Variants in FMNL2 observed in about 807,000 individuals in gnomAD.
FMNL2 encodes the protein formin like 2.
In FMNL2, 51 loss-of-function variants were observed where a neutral mutation model predicts 130.2. That is an observed-to-expected ratio of 0.39 (90% confidence interval 0.31 to 0.49). The LOEUF (loss-of-function observed/expected upper bound fraction) is 0.49. Ranked by LOEUF, FMNL2 falls within the 20% of genes least tolerant of loss-of-function variation. The pLI is 0.85. For missense variants in FMNL2, 977 were observed against 1,316.2 expected, an observed-to-expected ratio of 0.74 and a Z score of 3.99; for synonymous variants, 465 against 467.1, an observed-to-expected ratio of 1.00 and a Z score of 0.06.
At chr2:152,478,244 A>T (rs866107190) in intron 1 of FMNL2, among the ~76,000 whole-genome samples, 260 of 38,454 alleles carry the variant, frequency 6.8e-3, no homozygotes, top group African/African-American at 0.014. Flanking sequence ...ATATATATAT[A>T]TATATATTTT....
chr2:152,394,248 G>A lies in FMNL2; in HGVS notation c.117+58528G>A, dbSNP rs988570221. The stretch of plus-strand genomic sequence containing the variant: ...AAATACACGACTTAATTTTAGCTTC[G>A]GAGACAATGTTTTTTAAAGAATTCG... On this transcript the variant is annotated intron_variant, in intron 1 of 25. Coordinates refer to ENST00000288670, the MANE Select transcript of FMNL2 (RefSeq NM_052905.4). Among the ~76,000 whole-genome samples the A allele has an allele frequency of 1.1e-4, 17 of 151,962 alleles. No individual in the cohort carries two copies. In the South Asian group the frequency reaches 2.5e-3, roughly 22 times the overall value.
chr2:152,478,290 G>A (rs141505182), intron 1 of FMNL2, among the ~76,000 whole-genome samples: 110 of 132,254 alleles, frequency 8.3e-4, no homozygotes, highest in African/African-American at 2.9e-3. Flanking sequence ...TTACTGTGTC[G>A]CCCAGGCTGG....
intron 1 of FMNL2, among the ~76,000 whole-genome samples, chr2:152,462,924 G>GCAC: frequency 6.6e-6 from 1 of 152,236 alleles, no homozygotes; most frequent in East Asian, 1.9e-4. Flanking sequence ...GATTTATAAA[G>GCAC]AATGTTTCTT....
At chr2:152,477,642 C>G (rs1579760565) in intron 1 of FMNL2, among the ~76,000 whole-genome samples, 1 of 152,076 alleles carries the variant, frequency 6.6e-6, no homozygotes, top group African/African-American at 2.4e-5. Flanking sequence ...TTCTCAGGTC[C>G]TAGCCAATAC....
At chr2:152,497,217 T>A (rs1428884220) in intron 1 of FMNL2, among the ~76,000 whole-genome samples, 2 of 152,224 alleles carry the variant, frequency 1.3e-5, no homozygotes, top group Non-Finnish European at 2.9e-5. Flanking sequence ...ATGTGTTTAC[T>A]TATTTGTGCA....
At chr2:152,578,135 A>G in intron 7 of FMNL2, among the ~76,000 whole-genome samples, 1 of 151,326 alleles carries the variant, frequency 6.6e-6, no homozygotes, top group Admixed American at 6.5e-5. Context: ...ATAGGAGGTG[A>G]GGAGGTAAGC....
chr2:152,568,044 G>A (rs1037601970), intron 6 of FMNL2, among the ~76,000 whole-genome samples: 18 of 152,060 alleles, frequency 1.2e-4, no homozygotes, highest in East Asian at 5.8e-4. Context: ...AAGGTTCTGC[G>A]GTATTATGTA....
chr2:152,639,902 C>T, intron 23 of FMNL2, 56 bp from the exon 24 acceptor site: 1 of 1,453,528 alleles, frequency 6.9e-7, no homozygotes, highest in Non-Finnish European at 9.2e-7. Context: ...TTTAAAAAAT[C>T]TTGGCTGCTC....
rs1318654114 is a variant in FMNL2, at chr2:152,522,012, C to G, written c.187C>G (p.Leu63Val). 6.2e-7 allele frequency: 1 copy of G among 1,610,434 alleles called. No individual in the cohort carries two copies. The highest frequency in any genetic ancestry group is 8.5e-7 in the Non-Finnish European group (1 of 1,178,940). Residue 63 changes from leucine (L) to valine (V), a missense_variant, in exon 2 of 26, where the codon CTG becomes GTG. By Grantham distance (32) the Leu-to-Val change is conservative. Coordinates refer to ENST00000288670, the MANE Select transcript of FMNL2 (RefSeq NM_052905.4). ...RQYDNEKKWE[L>V]ICDQERFQVK... ...GTATGATAATGAGAAAAAATGGGAA[C>G]TGATTTGTGATCAGGTAAGAAACAG... is the stretch of plus-strand genomic sequence containing the variant.
intron 1 of FMNL2, among the ~76,000 whole-genome samples, chr2:152,400,494 C>T (rs973730508): frequency 6.6e-6 from 1 of 151,958 alleles, no homozygotes; most frequent in Non-Finnish European, 1.5e-5. Flanking sequence ...TCAAGGGAAG[C>T]AGGCAGAGGG....
intron 6 of FMNL2, among the ~76,000 whole-genome samples, chr2:152,573,509 T>C (rs544583550): frequency 1.3e-5 from 2 of 152,302 alleles, no homozygotes; most frequent in East Asian, 3.9e-4. Flanking sequence ...TTATTTGCTA[T>C]GTAGATGTAA....
chr2:152,597,162 G>A lies in FMNL2; in HGVS notation c.877-10177G>A, dbSNP rs140348156. On this transcript the variant is annotated intron_variant, in intron 9 of 25. Transcript: ENST00000288670. ...ATACTGGGAAGCAGTCAGACTCCTC[G>A]TGGTGGGTACAGTTTTCATGTGTTT... is the stretch of plus-strand genomic sequence containing the variant. 1.6e-3 allele frequency among the ~76,000 whole-genome samples: 239 copies of A among 152,182 alleles called. 1 individual carries two copies. Among genetic ancestry groups the A allele is most frequent in the African/African-American group, 5.4e-3 (226 of 41,472 alleles).
At chr2:152,503,140 A>G (rs1224150017) in intron 1 of FMNL2, among the ~76,000 whole-genome samples, 1 of 152,240 alleles carries the variant, frequency 6.6e-6, no homozygotes, top group Non-Finnish European at 1.5e-5. Context: ...ATTTAGTACC[A>G]TCACGATAGG....
At chr2:152,551,256 C>G (rs910705620) in intron 4 of FMNL2, among the ~76,000 whole-genome samples, 3 of 151,744 alleles carry the variant, frequency 2.0e-5, no homozygotes, top group Non-Finnish European at 4.4e-5. Context: ...AATAGAAGAA[C>G]CTTGGTTGGG....
At chr2:152,493,595 C>T (rs1401763500) in intron 1 of FMNL2, among the ~76,000 whole-genome samples, 1 of 152,148 alleles carries the variant, frequency 6.6e-6, no homozygotes, top group Non-Finnish European at 1.5e-5. Context: ...GGTGTTATCA[C>T]TGGTGGTAAT....
intron 1 of FMNL2, among the ~76,000 whole-genome samples, chr2:152,507,618 G>A (rs1327805605): frequency 1.3e-5 from 2 of 152,316 alleles, no homozygotes; most frequent in South Asian, 2.1e-4. Flanking sequence ...CATCGAGCAA[G>A]TAGTTTCAGT....
At chr2:152,541,427 T>C (rs1694306293) in intron 2 of FMNL2, among the ~76,000 whole-genome samples, 1 of 152,178 alleles carries the variant, frequency 6.6e-6, no homozygotes, top group Non-Finnish European at 1.5e-5. Flanking sequence ...TTAAACTTTT[T>C]TTTGTGAGAA....
intron 1 of FMNL2, among the ~76,000 whole-genome samples, chr2:152,371,962 T>TA (rs1683911095): frequency 6.6e-6 from 1 of 152,156 alleles, no homozygotes; most frequent in Non-Finnish European, 1.5e-5. Flanking sequence ...CCAGCCTCCA[T>TA]AACTACAAGA....
At chr2:152,450,343 G>A (rs1688570501) in intron 1 of FMNL2, among the ~76,000 whole-genome samples, 1 of 152,160 alleles carries the variant, frequency 6.6e-6, no homozygotes, top group African/African-American at 2.4e-5. Context: ...ACGAAGTGAG[G>A]ACAGAGCCAG....
Sources: gnomAD v4.1 joint callset for allele counts (sites outside exome capture counted in the v4.1 genomes callset) on GRCh38, gnomAD v4.1.1 for gene constraint, MANE v1.5 for transcripts, NCBI Gene and HGNC (gene_info 2026-07-23, HGNC 2026-07-21) for gene names.